The following UNC13C variants were observed in gnomAD, a reference collection of about 807,000 sequenced individuals.
UNC13C encodes protein unc-13 homolog C.
In UNC13C, 174 loss-of-function variants were observed where a neutral mutation model predicts 245.4. That is an observed-to-expected ratio of 0.71 (90% confidence interval 0.63 to 0.80). UNC13C has a LOEUF of 0.80. UNC13C is among the 30% of genes least tolerant of loss of function. The pLI is 0.00. For synonymous variants in UNC13C, 992 were observed against 895.1 expected, an observed-to-expected ratio of 1.11 and a Z score of -1.93; for missense variants, 2,829 against 2,602.9, an observed-to-expected ratio of 1.09 and a Z score of -1.89.
chr15:54,424,993 A>G (rs1396286214), intron 19 of UNC13C, among the ~76,000 whole-genome samples: 1 of 151,852 alleles, frequency 6.6e-6, no homozygotes, highest in Non-Finnish European at 1.5e-5. Context: ...CTTAGCTTCA[A>G]AATGTGTCCT....
At chr15:54,552,921 G>A (rs183209661) in intron 28 of UNC13C, among the ~76,000 whole-genome samples, 1 of 3,476 alleles carries the variant, frequency 2.9e-4, no homozygotes, top group African/African-American at 1.4e-3. Context: ...AATATATATT[G>A]TATTCTATAT....
chr15:54,236,322 G>A lies in UNC13C; in HGVS notation c.3151-108G>A, dbSNP rs1596059528. 7.2e-6 allele frequency: 6 copies of A among 830,424 alleles called. No individual in the cohort carries two copies. In the East Asian group the frequency reaches 1.5e-4, roughly 21 times the overall value. The allele number at this position is 830,424 out of a possible 1,614,324, so 51.4% of individuals were successfully genotyped here. ...TTCAAATTTCTGTCTTCACTATGTGGAAATAATTGTAAAGTGTTAGGCTAA... is the reference window on the plus strand; with the variant it reads ...TTCAAATTTCTGTCTTCACTATGTGAAAATAATTGTAAAGTGTTAGGCTAA... On this transcript the variant is annotated intron_variant, in intron 5 of 32. Transcript: ENST00000260323.
At chr15:53,958,134 C>T in the UNC13C span, among the ~76,000 whole-genome samples, 3 of 152,150 alleles carry the variant, frequency 2.0e-5, no homozygotes, top group Non-Finnish European at 2.9e-5. Flanking sequence ...AAGAGAGCTG[C>T]AGATAATTTT....
chr15:54,002,541 G>C (rs1397874588), intron 1 of UNC13C, among the ~76,000 whole-genome samples: 1 of 152,190 alleles, frequency 6.6e-6, no homozygotes, highest in Non-Finnish European at 1.5e-5. Flanking sequence ...CCTTGGTATA[G>C]GACACTCGGG....
intron 6 of UNC13C, among the ~76,000 whole-genome samples, chr15:54,237,207 A>G (rs1318818003): frequency 6.6e-6 from 1 of 152,206 alleles, no homozygotes; most frequent in African/African-American, 2.4e-5. Flanking sequence ...AATACTAATT[A>G]TGATTCAGGG....
intron 4 of UNC13C, among the ~76,000 whole-genome samples, chr15:54,147,781 G>GGGGTGTGT (rs2032336721): frequency 8.1e-5 from 2 of 24,552 alleles, no homozygotes; most frequent in African/African-American, 1.6e-4. Flanking sequence ...AGCATTGCAA[G>GGGGTGTGT]GTGTGTGCGT....
chr15:54,214,157 A>T (rs2034969080), intron 4 of UNC13C, among the ~76,000 whole-genome samples: 1 of 151,964 alleles, frequency 6.6e-6, no homozygotes, highest in African/African-American at 2.4e-5. Context: ...ATTATACCCT[A>T]AAAATTCCAT....
chr15:54,020,783 C>G (rs1326048169), intron 2 of UNC13C, among the ~76,000 whole-genome samples: 1 of 151,896 alleles, frequency 6.6e-6, no homozygotes, highest in Non-Finnish European at 1.5e-5. Context: ...CTGTAGAAAC[C>G]ATTTAGTGCA....
chr15:54,572,571 G>C (rs551441378), intron 30 of UNC13C, among the ~76,000 whole-genome samples: 1 of 151,592 alleles, frequency 6.6e-6, no homozygotes, highest in South Asian at 2.1e-4. Context: ...GATTATAGGT[G>C]CACGCCACCA....
intron 4 of UNC13C, among the ~76,000 whole-genome samples, chr15:54,171,697 G>A (rs1382164090): frequency 1.3e-5 from 2 of 152,004 alleles, no homozygotes; most frequent in Non-Finnish European, 2.9e-5. Flanking sequence ...CAGTATGGAG[G>A]TTCCTCAAAA....
chr15:54,608,424 T>A (rs1369691389), intron 30 of UNC13C, among the ~76,000 whole-genome samples: 1 of 152,222 alleles, frequency 6.6e-6, no homozygotes, highest in Non-Finnish European at 1.5e-5. Flanking sequence ...ACAGCCAGAA[T>A]TCAAATGCAA....
intron 2 of UNC13C, chr15:54,050,258 CA>C: frequency 1.8e-6 from 1 of 550,750 alleles, no homozygotes; most frequent in South Asian, 1.4e-5. Flanking sequence ...AGGCGTGAGC[CA>C]CTGTGTCGGC....
chr15:53,893,797 A>T, the UNC13C span, among the ~76,000 whole-genome samples: 1 of 152,176 alleles, frequency 6.6e-6, no homozygotes, highest in Non-Finnish European at 1.5e-5. Flanking sequence ...GCTCCATGGC[A>T]TGGGGCCCAC....
intron 4 of UNC13C, among the ~76,000 whole-genome samples, chr15:54,152,478 G>A (rs1276715212): frequency 4.6e-5 from 7 of 151,994 alleles, no homozygotes. Context: ...AAGTCTCTAG[G>A]GCTTAAATTT....
chr15:54,173,281 T>A lies in UNC13C; in HGVS notation c.3071+29597T>A, dbSNP rs558237275. Among the ~76,000 whole-genome samples the A allele has an allele frequency of 2.4e-4, 36 of 152,190 alleles. 2 individuals are homozygous for A. The South Asian group carries it at 7.5e-3, about 32-fold the overall frequency. Reference sequence around the variant, plus strand: ...AACCTGCTGGGATTATGATTGACAATGCATTAAACCTGTTGATTAATTGAG... The same window carrying A: ...AACCTGCTGGGATTATGATTGACAAAGCATTAAACCTGTTGATTAATTGAG... On this transcript the variant is annotated intron_variant, in intron 4 of 32. Transcript: ENST00000260323.
the UNC13C span, among the ~76,000 whole-genome samples, chr15:53,958,542 T>C: frequency 7.5e-3 from 1,147 of 152,290 alleles, 13 homozygotes; most frequent in African/African-American, 0.026. Flanking sequence ...AACGGAGGAC[T>C]TGACTTGCCC....
At chr15:54,400,717 C>T (rs771127812) in intron 18 of UNC13C, among the ~76,000 whole-genome samples, 5 of 152,046 alleles carry the variant, frequency 3.3e-5, no homozygotes, top group Non-Finnish European at 2.9e-5. Context: ...CTTCAGAATT[C>T]GCTATTTTAT....
chr15:54,264,555 A>G (rs1269147440), intron 9 of UNC13C, among the ~76,000 whole-genome samples, 160 bp downstream of exon 9: 1 of 150,426 alleles, frequency 6.6e-6, no homozygotes, highest in African/African-American at 2.5e-5. Context: ...GAAAATACAT[A>G]CTAGATAAGT....
intron 18 of UNC13C, among the ~76,000 whole-genome samples, chr15:54,409,601 G>A (rs985988587): frequency 3.2e-4 from 49 of 152,104 alleles, no homozygotes; most frequent in African/African-American, 1.2e-3. Context: ...TCGATATTTA[G>A]CTCCCACTTA....
Sources: gnomAD v4.1 joint callset for allele counts (sites outside exome capture counted in the v4.1 genomes callset) on GRCh38, gnomAD v4.1.1 for gene constraint, MANE v1.5 for transcripts, NCBI Gene and HGNC (gene_info 2026-07-23, HGNC 2026-07-21) for gene names.